ADAMTS7: variants seen among roughly 807,000 people sequenced by gnomAD.
ADAMTS7 encodes A disintegrin and metalloproteinase with thrombospondin motifs 7.
In ADAMTS7, 89 loss-of-function variants were observed where a neutral mutation model predicts 172.6. The observed-to-expected ratio is 0.52, with a 90% CI of 0.43 to 0.61. The LOEUF is 0.61. ADAMTS7 is among the 20% of genes least tolerant of loss of function. The pLI is 0.00. For synonymous variants in ADAMTS7, 885 were observed against 978.4 expected (o/e 0.90, Z 1.78); for missense variants, 1,973 against 2,355.6 (o/e 0.84, Z 3.36).
Position 78,800,440 on chromosome 15 carries a change from G to T in ADAMTS7, c.208C>A (p.Arg70=), listed in dbSNP as rs746168282. The T allele has an allele frequency of 1.9e-6, 3 of 1,610,654 alleles. No individual in the cohort carries two copies. Among genetic ancestry groups the T allele is most frequent in the African/African-American group, 1.3e-5 (1 of 74,912 alleles). ...GCGTCTCGGCGCACAGATACATCCC[G>T]CTTGCGCAGTGCGCGGGGCCACAGC... is the stretch of plus-strand genomic sequence containing the variant. ...YELWPRALRK[R]DVSVRRDAPA... Residue 70 remains arginine, a synonymous_variant, in exon 2 of 24, where the codon CGG becomes AGG. Coordinates refer to ENST00000388820, the MANE Select transcript of ADAMTS7 (RefSeq NM_014272.5).
At position 78,767,002 on chromosome 15, in the gene ADAMTS7, G is replaced by C. The variant is rs200628325; in HGVS notation, c.2909C>G (p.Thr970Ser). 1 of 1,594,852 alleles carries C rather than the reference G, an allele frequency of 6.3e-7. No homozygotes were observed. The highest frequency in any genetic ancestry group is 8.5e-7 in the Non-Finnish European group (1 of 1,172,150). Residue 970 changes from threonine (T) to serine (S), a missense_variant, in exon 19 of 24, where the codon ACC becomes AGC. By Grantham distance (58) the Thr-to-Ser change is moderately conservative. Transcript: ENST00000388820. ...EGTQRRNVLCTNDTGVPCDEA... is the reference protein window; with the variant it reads ...EGTQRRNVLCSNDTGVPCDEA... ...GTCACAGGGGACACCGGTGTCATTGGTGCAGAGGACATTTCGGCGCTGAGT... is the reference window on the plus strand; with the variant it reads ...GTCACAGGGGACACCGGTGTCATTGCTGCAGAGGACATTTCGGCGCTGAGT...
intron 8 of ADAMTS7, among the ~76,000 whole-genome samples, chr15:78,781,956 C>G (rs2055433907): frequency 6.6e-6 from 1 of 152,178 alleles, no homozygotes; most frequent in Non-Finnish European, 1.5e-5. Context: ...GCAGGCCCAT[C>G]ATCATGTCCA....
chr15:78,779,459 C>G (rs2055399535), intron 8 of ADAMTS7, among the ~76,000 whole-genome samples: 1 of 152,176 alleles, frequency 6.6e-6, no homozygotes, highest in Non-Finnish European at 1.5e-5. Flanking sequence ...ACTGGGCTAC[C>G]CCCAGTGCAG....
intron 14 of ADAMTS7, 104 bp downstream of exon 14, chr15:78,772,979 G>C: frequency 1.4e-6 from 2 of 1,421,266 alleles, no homozygotes; most frequent in South Asian, 2.6e-5. Context: ...GCCATCTCCA[G>C]GCTGGGTGGG....
intron 1 of ADAMTS7, among the ~76,000 whole-genome samples, chr15:78,804,501 C>T (rs762821267): frequency 1.3e-5 from 2 of 152,230 alleles, no homozygotes; most frequent in Non-Finnish European, 2.9e-5. Context: ...CCTGAGCGCC[C>T]TGCTGACATC....
intron 16 of ADAMTS7, among the ~76,000 whole-genome samples, chr15:78,769,479 G>A (rs1310496649): frequency 6.6e-6 from 1 of 152,202 alleles, no homozygotes. Flanking sequence ...GGGGGGTCTG[G>A]GACACAGTAC....
rs1230530117 is a variant in ADAMTS7 at position 78,766,432 on chromosome 15, T to A, written c.3479A>T (p.Glu1160Val). The A allele has an allele frequency of 8.3e-6, 13 of 1,561,974 alleles. No homozygotes were observed. The highest frequency in any genetic ancestry group is 1.1e-5 in the Non-Finnish European group (13 of 1,158,376). Reference sequence around the variant, plus strand: ...ATCTGGGGCCCCTATGGGGGTGTCTTCCTCAGGCAGGAAATTGATCAAAGG... The same window carrying A: ...ATCTGGGGCCCCTATGGGGGTGTCTACCTCAGGCAGGAAATTGATCAAAGG... ...GNPLINFLPEEDTPIGAPDLG... is the reference protein window; with the variant it reads ...GNPLINFLPEVDTPIGAPDLG... The change falls in exon 19 of 24, where the codon GAA becomes GTA. Residue 1160 changes from glutamate (E) to valine (V), a missense_variant. Coordinates refer to ENST00000388820, the MANE Select transcript of ADAMTS7 (RefSeq NM_014272.5).
At chr15:78,767,633 A>G (rs1210708196) in intron 17 of ADAMTS7, 41 bp from the exon 18 acceptor site, 3 of 1,497,580 alleles carry the variant, frequency 2.0e-6, no homozygotes, top group East Asian at 2.5e-5. Context: ...GGCATCAGAC[A>G]GGTGGCCTGC....
At position 78,759,373 on chromosome 15, in the gene ADAMTS7, C is replaced by T. The variant is rs773060679; in HGVS notation, c.*48G>A. ...AGGGGGCGGGAGCTCCGCCACAGCC[C>T]GTGGTGGGCACTGAGGTCTGTCGGT... On this transcript the variant is annotated 3_prime_UTR_variant, in exon 24 of 24. Transcript: ENST00000388820. 53 of 1,527,450 alleles carry T rather than the reference C, an allele frequency of 3.5e-5. No homozygotes were observed. The highest frequency in any genetic ancestry group is 2.4e-4 in the Middle Eastern group (1 of 4,216). 94.6% of individuals were successfully genotyped at this position (1,527,450 alleles called of 1,614,324 possible).
chr15:78,780,888 G>T (rs2055419285), intron 8 of ADAMTS7, among the ~76,000 whole-genome samples: 1 of 152,174 alleles, frequency 6.6e-6, no homozygotes, highest in African/African-American at 2.4e-5. Flanking sequence ...CACGAGGACT[G>T]CATGCCTCAG....
At chr15:78,765,611 C>T in intron 19 of ADAMTS7, 34 bp downstream of exon 19, 3 of 1,597,244 alleles carry the variant, frequency 1.9e-6, no homozygotes, top group South Asian at 1.1e-5. Context: ...AGGTCCTGCG[C>T]AAACTCCCTG....
At chr15:78,759,644 C>A (rs904561008) in intron 23 of ADAMTS7, 66 bp from the exon 24 acceptor site, 20 of 1,459,412 alleles carry the variant, frequency 1.4e-5, no homozygotes, top group African/African-American at 2.8e-5. Context: ...TGGCTCCCTA[C>A]GCCAACCACC....
rs765499328 is a variant in ADAMTS7, at chr15:78,763,785, G to A, written c.4654C>T (p.Leu1552Phe). ...QRLVTCPEPG[L>F]CEEALRPNTT... ...TTGGGTCTCAGCGCCTCCTCGCAGA[G>A]GCCTGGCTCCGGGCAGGTCACTAGA... Residue 1552 changes from leucine (L) to phenylalanine (F), a missense_variant, in exon 22 of 24, where the codon CTC becomes TTC. Around this residue, in one of 8 missense-constraint regions of ADAMTS7, gnomAD observed 218 missense variants for 216.9 expected, o/e 1.01. Transcript: ENST00000388820. 2 of 1,593,288 alleles carry A rather than the reference G, an allele frequency of 1.3e-6. No homozygotes were observed. The highest frequency in any genetic ancestry group is 1.7e-6 in the Non-Finnish European group (2 of 1,172,434).
chr15:78,787,524 C>T (rs776939996), intron 8 of ADAMTS7, among the ~76,000 whole-genome samples: 15 of 152,038 alleles, frequency 9.9e-5, no homozygotes, highest in Non-Finnish European at 1.9e-4. Flanking sequence ...AGTAGCCAGC[C>T]GTTGTGGCAC....
At chr15:78,807,547 A>G (rs2055812851) in intron 1 of ADAMTS7, among the ~76,000 whole-genome samples, 1 of 152,240 alleles carries the variant, frequency 6.6e-6, no homozygotes, top group Non-Finnish European at 1.5e-5. Flanking sequence ...TTTGAATCCC[A>G]GCTCTGCTAC....
At chr15:78,800,960 C>CA (rs1317465536) in intron 1 of ADAMTS7, among the ~76,000 whole-genome samples, 1 of 152,146 alleles carries the variant, frequency 6.6e-6, no homozygotes, top group African/African-American at 2.4e-5. Context: ...AGGCTGGTCT[C>CA]AAACTCCTGA....
At chr15:78,786,266 C>T (rs1212134238) in intron 8 of ADAMTS7, among the ~76,000 whole-genome samples, 1 of 152,130 alleles carries the variant, frequency 6.6e-6, no homozygotes, top group Non-Finnish European at 1.5e-5. Flanking sequence ...GACAAAAGAG[C>T]CTGTATCTGA....
Position 78,800,261 on chromosome 15 carries a change from G to T in ADAMTS7, c.387C>A (p.His129Gln). ...CAGGGTCCTGCACCTCGCCAAGCAG[G>T]TGGCAGGCCGGGGTGTGGGCCCGGA... ...AHIRAHTPACHLLGEVQDPEL... is the reference protein window; with the variant it reads ...AHIRAHTPACQLLGEVQDPEL... The change falls in exon 2 of 24, where the codon CAC becomes CAA. Residue 129 changes from histidine to glutamine, a missense_variant. Coordinates refer to ENST00000388820, the MANE Select transcript of ADAMTS7 (RefSeq NM_014272.5). 1 of 1,594,142 alleles carries T rather than the reference G, an allele frequency of 6.3e-7. No homozygotes were observed. The highest frequency in any genetic ancestry group is 8.5e-7 in the Non-Finnish European group (1 of 1,177,738).
rs540432551 is a variant in ADAMTS7, at chr15:78,765,779, C to A, written c.4132G>T (p.Ala1378Ser). ...PLSSRLLSTP[A>S]WDSPANSHRV... ...TGGCTGTTGGCGGGGCTGTCCCAAG[C>A]TGGTGTGGACAGCAGCCTAGAGCTC... The change falls in exon 19 of 24, where the codon GCT becomes TCT. Residue 1378 changes from alanine (A) to serine (S), a missense_variant. Around this residue, in one of 8 missense-constraint regions of ADAMTS7, gnomAD observed 771 missense variants for 952.6 expected, o/e 0.81. Coordinates refer to ENST00000388820, the MANE Select transcript of ADAMTS7 (RefSeq NM_014272.5). 4 of 1,608,600 alleles carry A rather than the reference C, an allele frequency of 2.5e-6. No individual in the cohort carries two copies. In the South Asian group the frequency reaches 4.4e-5, roughly 18 times the overall value.
Sources: gnomAD v4.1 joint callset for allele counts (sites outside exome capture counted in the v4.1 genomes callset) on GRCh38, gnomAD v4.1.1 for gene constraint, gnomAD v4.1.1 regional missense constraint, MANE v1.5 for transcripts, NCBI Gene and HGNC (gene_info 2026-07-23, HGNC 2026-07-21) for gene names.